The following NAPA variants were observed in gnomAD, a reference collection of about 807,000 sequenced individuals.
NAPA encodes alpha-soluble NSF attachment protein.
A neutral mutation model predicts 48.0 loss-of-function variants in NAPA; 18 were observed. The observed-to-expected ratio is 0.38, with a 90% CI of 0.26 to 0.56. The LOEUF (loss-of-function observed/expected upper bound fraction) is 0.56, where lower values mean the gene tolerates loss of function less well. NAPA is among the 20% of genes least tolerant of loss of function. The pLI is 0.77. For synonymous variants in NAPA, 152 were observed against 149.9 expected (o/e 1.01, Z -0.10); for missense variants, 315 against 385.0 (o/e 0.82, Z 1.52).
Position 47,498,807 on chromosome 19 carries a change from C to T in NAPA, c.295+1826G>A, listed in dbSNP as rs1007450113. 2.6e-5 allele frequency among the ~76,000 whole-genome samples: 4 copies of T among 152,162 alleles called. No homozygotes were observed. In the East Asian group the frequency reaches 5.8e-4, roughly 22 times the overall value. On this transcript the variant is annotated intron_variant, in intron 3 of 10. Coordinates refer to ENST00000263354, the MANE Select transcript of NAPA (RefSeq NM_003827.4). ...TTGCCCCACTGGGAGTCATGGCTGGCGTGCGTATCTTTAGGCTGTAGCTCT... is the reference window on the plus strand; with the variant it reads ...TTGCCCCACTGGGAGTCATGGCTGGTGTGCGTATCTTTAGGCTGTAGCTCT...
intron 4 of NAPA, chr19:47,495,115 G>A (rs1968386299): frequency 5.5e-6 from 1 of 182,328 alleles, no homozygotes. Flanking sequence ...CGATTTTCCT[G>A]CCTCAACCTC....
chr19:47,514,968 G>A lies in NAPA; in HGVS notation c.-28C>T, dbSNP rs775594726. ...CGGCCACAAAGGGACTCAGCAAAGCGCCTGACCCTGACCCTGGGAAGACTC... is the reference window on the plus strand; with the variant it reads ...CGGCCACAAAGGGACTCAGCAAAGCACCTGACCCTGACCCTGGGAAGACTC... On this transcript the variant is annotated 5_prime_UTR_variant, in exon 1 of 11. Transcript: ENST00000263354. 1.4e-5 allele frequency: 22 copies of A among 1,606,962 alleles called. No homozygotes were observed. In the South Asian group the frequency reaches 2.1e-4, roughly 15 times the overall value.
At chr19:47,498,100 A>G (rs1477375814) in intron 3 of NAPA, among the ~76,000 whole-genome samples, 1 of 152,212 alleles carries the variant, frequency 6.6e-6, no homozygotes, top group Non-Finnish European at 1.5e-5. Context: ...GGAATTCGGG[A>G]GCCCAGTCGG....
chr19:47,507,710 G>A (rs1420313459), intron 1 of NAPA, among the ~76,000 whole-genome samples: 1 of 152,208 alleles, frequency 6.6e-6, no homozygotes, highest in Admixed American at 6.5e-5. Context: ...TCGAGACCAT[G>A]TGCCTTAATC....
At chr19:47,510,011 G>A (rs1264928056) in intron 1 of NAPA, among the ~76,000 whole-genome samples, 1 of 152,240 alleles carries the variant, frequency 6.6e-6, no homozygotes, top group Non-Finnish European at 1.5e-5. Context: ...CATCAGGAAA[G>A]CCAGGAACTC....
At chr19:47,507,517 C>A (rs972603801) in intron 1 of NAPA, among the ~76,000 whole-genome samples, 1 of 152,164 alleles carries the variant, frequency 6.6e-6, no homozygotes, top group Non-Finnish European at 1.5e-5. Flanking sequence ...GCCCCCATTT[C>A]GGGTCCTGGA....
At chr19:47,510,380 C>T (rs1490820254) in intron 1 of NAPA, among the ~76,000 whole-genome samples, 2 of 152,204 alleles carry the variant, frequency 1.3e-5, no homozygotes, top group African/African-American at 4.8e-5. Context: ...CCCTCTGCCA[C>T]CTATTTCTCC....
At chr19:47,504,915 G>T (rs1211389532) in intron 1 of NAPA, among the ~76,000 whole-genome samples, 2 of 152,116 alleles carry the variant, frequency 1.3e-5, no homozygotes, top group Non-Finnish European at 2.9e-5. Flanking sequence ...CAACAGTAGG[G>T]ATACACTGGG....
At chr19:47,491,742 T>C (rs889232748) in intron 8 of NAPA, among the ~76,000 whole-genome samples, 2 of 152,130 alleles carry the variant, frequency 1.3e-5, no homozygotes, top group East Asian at 1.9e-4. Context: ...CTGACTTTAA[T>C]GGGGTGCAGT....
intron 1 of NAPA, among the ~76,000 whole-genome samples, chr19:47,507,437 TA>T (rs1968713809): frequency 6.6e-6 from 1 of 152,024 alleles, no homozygotes; most frequent in South Asian, 2.1e-4. Flanking sequence ...CTGCCAGAAA[TA>T]CACCATGCCC....
chr19:47,508,148 C>T (rs1299875628), intron 1 of NAPA, among the ~76,000 whole-genome samples: 2 of 152,194 alleles, frequency 1.3e-5, no homozygotes, highest in African/African-American at 2.4e-5. Context: ...ATGAATTAAG[C>T]CAGCCCCCTA....
intron 2 of NAPA, chr19:47,501,309 A>G (rs1392925717): frequency 2.0e-5 from 3 of 152,306 alleles, no homozygotes; most frequent in African/African-American, 7.2e-5. Flanking sequence ...TATTTTGGGA[A>G]GCAAGGGGCA....
chr19:47,489,803 C>T (rs747574639), intron 9 of NAPA, 42 bp from the exon 10 acceptor site: 3 of 1,610,456 alleles, frequency 1.9e-6, no homozygotes, highest in Non-Finnish European at 2.5e-6. Context: ...CCTATGCTGA[C>T]CTGAGGTCTG....
intron 1 of NAPA, among the ~76,000 whole-genome samples, chr19:47,514,603 G>C (rs73570349): frequency 0.021 from 3,147 of 152,204 alleles, 105 homozygotes; most frequent in African/African-American, 0.071. Flanking sequence ...CGGTCCGTGT[G>C]TCCTCAGCCC....
At chr19:47,508,386 G>A (rs986215801) in intron 1 of NAPA, among the ~76,000 whole-genome samples, 2 of 152,206 alleles carry the variant, frequency 1.3e-5, no homozygotes, top group Admixed American at 1.3e-4. Flanking sequence ...ACTCTGCAGT[G>A]GGCCTTGCCT....
chr19:47,485,660 CTA>C (rs1491141839), downstream of NAPA, among the ~76,000 whole-genome samples: 1 of 152,178 alleles, frequency 6.6e-6, no homozygotes, highest in Non-Finnish European at 1.5e-5. Context: ...AAATCACAAA[CTA>C]TGTGCTGAGC....
chr19:47,489,645 G>T, intron 10 of NAPA, 66 bp downstream of exon 10: 1 of 1,561,186 alleles, frequency 6.4e-7, no homozygotes, highest in Non-Finnish European at 8.8e-7. Context: ...GCGTGTCTGA[G>T]AAGGGCAGCT....
At chr19:47,489,675 C>T (rs757016534) in intron 10 of NAPA, 36 bp downstream of exon 10, 10 of 1,612,336 alleles carry the variant, frequency 6.2e-6, no homozygotes, top group African/African-American at 4.0e-5. Context: ...GACCCATCCC[C>T]GTGAAGGGGC....
chr19:47,510,900 T>C (rs1056842662), intron 1 of NAPA, among the ~76,000 whole-genome samples: 2 of 152,210 alleles, frequency 1.3e-5, no homozygotes, highest in African/African-American at 2.4e-5. Flanking sequence ...AGGTATGGCT[T>C]TGAGCTTCTC....
Sources: gnomAD v4.1 joint callset for allele counts (sites outside exome capture counted in the v4.1 genomes callset) on GRCh38, gnomAD v4.1.1 for gene constraint, MANE v1.5 for transcripts, NCBI Gene and HGNC (gene_info 2026-07-23, HGNC 2026-07-21) for gene names.